The following PLS1 variants were observed in gnomAD, a reference collection of about 807,000 sequenced individuals.
The protein encoded by PLS1 is plastin-1.
Under a neutral mutation model 73.7 loss-of-function variants are expected in PLS1, and 32 were observed. That is an observed-to-expected ratio of 0.43 (90% CI 0.33 to 0.58). PLS1 has a LOEUF of 0.58. Ranked by LOEUF, PLS1 falls within the 20% of genes least tolerant of loss-of-function variation. PLS1 has a pLI of 0.04. For synonymous variants in PLS1, 217 were observed against 261.3 expected (o/e 0.83, Z 1.63); for missense variants, 633 against 740.5 (o/e 0.85, Z 1.68).
At chr3:142,627,320 A>C (rs767765044) in intron 1 of PLS1, among the ~76,000 whole-genome samples, 1 of 152,170 alleles carries the variant, frequency 6.6e-6, no homozygotes, top group Non-Finnish European at 1.5e-5. Flanking sequence ...CCTTCTAAGT[A>C]ATACTCACTG....
intron 1 of PLS1, among the ~76,000 whole-genome samples, chr3:142,597,672 CTG>C (rs2108525733): frequency 6.6e-6 from 1 of 152,282 alleles, no homozygotes; most frequent in African/African-American, 2.4e-5. Flanking sequence ...AATGAGAAAA[CTG>C]AGACCAGCGA....
intron 2 of PLS1, among the ~76,000 whole-genome samples, chr3:142,667,400 C>G: frequency 6.6e-6 from 1 of 152,066 alleles, no homozygotes; most frequent in Middle Eastern, 3.4e-3. Context: ...GGCGACATAG[C>G]GAGACTCCGA....
intron 2 of PLS1, among the ~76,000 whole-genome samples, chr3:142,668,160 C>G (rs1219247299): frequency 6.6e-6 from 1 of 152,136 alleles, no homozygotes; most frequent in African/African-American, 2.4e-5. Flanking sequence ...CAAAACAGTG[C>G]AAAGCTCTGC....
intron 1 of PLS1, among the ~76,000 whole-genome samples, chr3:142,617,089 A>G (rs557848717): frequency 2.6e-4 from 40 of 151,912 alleles, no homozygotes; most frequent in African/African-American, 9.7e-4. Context: ...TATAGTTGGC[A>G]TTTCATATTT....
intron 12 of PLS1, among the ~76,000 whole-genome samples, chr3:142,702,746 A>G (rs577561092): frequency 2.4e-4 from 37 of 152,194 alleles, no homozygotes; most frequent in Non-Finnish European, 5.0e-4. Flanking sequence ...TATTAGAGAA[A>G]GGACCTAACT....
rs140870260 is a variant in PLS1 at position 142,711,755 on chromosome 3, T to G, written c.1755-117T>G. On this transcript the variant is annotated intron_variant, in intron 15 of 15. Coordinates refer to ENST00000457734, the MANE Select transcript of PLS1 (RefSeq NM_001145319.2). ...TATATGTGAGTCTTAGATTTAAGAC[T>G]CACAAACTTAACCTTTTCGTAAAAC... is the stretch of plus-strand genomic sequence containing the variant. The G allele has an allele frequency of 1.6e-5, 21 of 1,347,548 alleles. No individual in the cohort carries two copies. In the African/African-American group the frequency reaches 2.6e-4, roughly 17 times the overall value. The allele number at this position is 1,347,548 out of a possible 1,614,324, so 83.5% of individuals were successfully genotyped here.
chr3:142,661,228 T>C (rs1180173216), intron 1 of PLS1, among the ~76,000 whole-genome samples: 2 of 152,196 alleles, frequency 1.3e-5, no homozygotes, highest in African/African-American at 2.4e-5. Context: ...ATAGTAAAGC[T>C]TTCTAAAGGT....
intron 12 of PLS1, 89 bp from the exon 13 acceptor site, chr3:142,703,779 T>C: frequency 1.3e-6 from 1 of 760,990 alleles, no homozygotes. Context: ...GTCATCATAA[T>C]TGTTTTTCAG....
intron 1 of PLS1, among the ~76,000 whole-genome samples, chr3:142,620,913 G>A (rs2036302989): frequency 6.6e-6 from 1 of 152,168 alleles, no homozygotes; most frequent in Non-Finnish European, 1.5e-5. Flanking sequence ...AGCTACTAGA[G>A]AGGCTGAGGC....
chr3:142,692,025 T>A (rs185744630), intron 10 of PLS1, among the ~76,000 whole-genome samples: 8 of 152,198 alleles, frequency 5.3e-5, no homozygotes, highest in Admixed American at 4.6e-4. Context: ...GAGCCTTGGT[T>A]TTTTTCATAT....
chr3:142,660,863 C>T (rs1007537022), intron 1 of PLS1, among the ~76,000 whole-genome samples: 1 of 152,116 alleles, frequency 6.6e-6, no homozygotes, highest in African/African-American at 2.4e-5. Flanking sequence ...AGACTAAAAA[C>T]ATTTTATGTA....
intron 1 of PLS1, among the ~76,000 whole-genome samples, chr3:142,609,467 A>T (rs1218454686): frequency 6.6e-6 from 1 of 152,232 alleles, no homozygotes; most frequent in Non-Finnish European, 1.5e-5. Context: ...TAGAGTGACA[A>T]ATATCACTTT....
chr3:142,640,816 C>T (rs1194931773), intron 1 of PLS1, among the ~76,000 whole-genome samples: 3 of 151,790 alleles, frequency 2.0e-5, no homozygotes, highest in Non-Finnish European at 4.4e-5. Context: ...AGGTTTATGC[C>T]CTTCATTTCT....
chr3:142,616,363 A>G (rs1560031179), intron 1 of PLS1, among the ~76,000 whole-genome samples: 2 of 152,244 alleles, frequency 1.3e-5, no homozygotes, highest in African/African-American at 4.8e-5. Context: ...GCACACTAGC[A>G]GGAAGAGAAA....
At chr3:142,644,950 T>C (rs1048931550) in intron 1 of PLS1, among the ~76,000 whole-genome samples, 6 of 152,326 alleles carry the variant, frequency 3.9e-5, no homozygotes, top group African/African-American at 1.2e-4. Context: ...CTGGCAAATA[T>C]CTGGTTTCCC....
At chr3:142,610,628 GT>G (rs2036105045) in intron 1 of PLS1, among the ~76,000 whole-genome samples, 1 of 151,974 alleles carries the variant, frequency 6.6e-6, no homozygotes, top group Non-Finnish European at 1.5e-5. Flanking sequence ...TCTCTTGTTA[GT>G]TTGTCCTTTT....
chr3:142,627,202 G>A (rs2036447880), intron 1 of PLS1, among the ~76,000 whole-genome samples: 1 of 152,144 alleles, frequency 6.6e-6, no homozygotes, highest in Admixed American at 6.5e-5. Context: ...CTGTTAAACA[G>A]GGAGTTGGAC....
chr3:142,653,364 C>CT (rs34669181), intron 1 of PLS1, among the ~76,000 whole-genome samples: 86 of 132,224 alleles, frequency 6.5e-4, no homozygotes, highest in East Asian at 2.3e-3. Context: ...AGGTCAGAAA[C>CT]TTTTTTTTTT....
chr3:142,655,450 G>A (rs1266388405), intron 1 of PLS1, among the ~76,000 whole-genome samples: 1 of 152,140 alleles, frequency 6.6e-6, no homozygotes, highest in African/African-American at 2.4e-5. Flanking sequence ...GCCGGGCACC[G>A]TGGCTCATGC....
Sources: gnomAD v4.1 joint callset for allele counts (sites outside exome capture counted in the v4.1 genomes callset) on GRCh38, gnomAD v4.1.1 for gene constraint, MANE v1.5 for transcripts, NCBI Gene and HGNC (gene_info 2026-07-23, HGNC 2026-07-21) for gene names.